Variants in INPP4B observed in about 807,000 individuals in gnomAD.
INPP4B encodes inositol polyphosphate-4-phosphatase type II B, also known as inositol polyphosphate 4-phosphatase type II.
A neutral mutation model predicts 122.5 loss-of-function variants in INPP4B; 55 were observed. The ratio of observed to expected loss-of-function variants is 0.45; its 90% CI spans 0.36 to 0.56. The LOEUF is 0.56. Ranked by LOEUF, INPP4B falls within the 20% of genes least tolerant of loss-of-function variation. The probability of loss-of-function intolerance (pLI) is 0.00; values close to 1 mark genes in which losing one functional copy is unlikely to be tolerated. For synonymous variants in INPP4B, 403 were observed against 388.7 expected (o/e 1.04, Z -0.43); for missense variants, 1,000 against 1,097.7 (o/e 0.91, Z 1.26).
chr4:142,206,594 TGAG>T (rs1305558343), intron 14 of INPP4B, among the ~76,000 whole-genome samples: 3 of 152,028 alleles, frequency 2.0e-5, no homozygotes, highest in African/African-American at 7.2e-5. Context: ...AAAGCAGAAC[TGAG>T]ATCTCACTTT....
Position 142,481,847 on chromosome 4 carries a change from C to T in INPP4B, c.-190-19121G>A, listed in dbSNP as rs79488894. On this transcript the variant is annotated intron_variant, in intron 2 of 25. Transcript: ENST00000262992. ...CTATTGAGAACTGGCTATTTCCCACCGAAATGTACCTAGTGTTAATAAGGA... is the reference window on the plus strand; with the variant it reads ...CTATTGAGAACTGGCTATTTCCCACTGAAATGTACCTAGTGTTAATAAGGA... 0.013 allele frequency among the ~76,000 whole-genome samples: 1,920 copies of T among 152,188 alleles called. 146 individuals carry two copies. In the East Asian group the frequency reaches 0.22, roughly 18 times the overall value.
chr4:142,234,516 T>G (rs1855835376), intron 12 of INPP4B, among the ~76,000 whole-genome samples: 2 of 152,324 alleles, frequency 1.3e-5, no homozygotes, highest in South Asian at 4.1e-4. Flanking sequence ...AAGCTTTTCC[T>G]ATTTCCCCTT....
chr4:142,512,534 T>A (rs553696411), intron 2 of INPP4B, among the ~76,000 whole-genome samples: 46 of 152,322 alleles, frequency 3.0e-4, no homozygotes, highest in African/African-American at 1.1e-3. Flanking sequence ...AAAAGACTGA[T>A]AATGTAAACA....
chr4:142,607,800 A>G (rs1054339568), intron 2 of INPP4B, among the ~76,000 whole-genome samples: 2 of 152,146 alleles, frequency 1.3e-5, no homozygotes, highest in Admixed American at 6.6e-5. Context: ...TCCAGGATCA[A>G]GAGAGTTGAA....
intron 12 of INPP4B, among the ~76,000 whole-genome samples, chr4:142,233,529 T>C (rs981957633): frequency 1.3e-5 from 2 of 152,156 alleles, no homozygotes; most frequent in African/African-American, 4.8e-5. Flanking sequence ...TTTGCAACTA[T>C]TGAAACATAA....
intron 7 of INPP4B, among the ~76,000 whole-genome samples, chr4:142,322,353 C>T (rs1364078786): frequency 6.6e-6 from 1 of 152,044 alleles, no homozygotes; most frequent in Admixed American, 6.6e-5. Flanking sequence ...AACATTTCTT[C>T]TTCAACATTT....
Position 142,384,058 on chromosome 4 carries a change from G to A in INPP4B, c.372+18880C>T, listed in dbSNP as rs1481408497. 8.6e-6 allele frequency: 6 copies of A among 701,730 alleles called. No individual in the cohort carries two copies. The Admixed American group carries it at 1.2e-4, about 14-fold the overall frequency. The allele number at this position is 701,730 out of a possible 1,614,324, so 43.5% of individuals were successfully genotyped here. On this transcript the variant is annotated intron_variant, in intron 7 of 25. Coordinates refer to ENST00000262992, the MANE Select transcript of INPP4B (RefSeq NM_001101669.3). ...GTGACTGAGCAAGTTGTCTCAAGTT[G>A]TCTCAGCTCTGAGGACCTCAAGATC...
intron 2 of INPP4B, among the ~76,000 whole-genome samples, chr4:142,507,152 A>T (rs569610987): frequency 3.9e-5 from 6 of 152,278 alleles, no homozygotes; most frequent in Non-Finnish European, 7.4e-5. Context: ...AAGCCCATTG[A>T]TCATACAGTA....
intron 3 of INPP4B, among the ~76,000 whole-genome samples, chr4:142,440,295 T>C (rs1202328905): frequency 6.6e-6 from 1 of 152,162 alleles, no homozygotes; most frequent in Non-Finnish European, 1.5e-5. Flanking sequence ...TATCAGAGTA[T>C]AGGGCAGAAG....
chr4:142,335,338 A>C (rs1220567395), intron 7 of INPP4B, among the ~76,000 whole-genome samples: 8 of 152,122 alleles, frequency 5.3e-5, no homozygotes, highest in Non-Finnish European at 2.9e-5. Context: ...TTTCTTCTCT[A>C]ACGTCAGTTC....
chr4:142,446,371 A>G (rs1451268985), intron 3 of INPP4B, among the ~76,000 whole-genome samples: 1 of 152,118 alleles, frequency 6.6e-6, no homozygotes, highest in South Asian at 2.1e-4. Context: ...TATAACCATC[A>G]ATAAGTAAAT....
intron 1 of INPP4B, among the ~76,000 whole-genome samples, chr4:142,729,774 C>T (rs955171536): frequency 3.9e-5 from 6 of 152,158 alleles, no homozygotes; most frequent in African/African-American, 1.4e-4. Context: ...AGTTCAGTTG[C>T]TGGGAAGCCT....
intron 1 of INPP4B, among the ~76,000 whole-genome samples, chr4:142,743,438 G>A (rs1420478063): frequency 1.3e-5 from 2 of 151,948 alleles, no homozygotes; most frequent in Non-Finnish European, 2.9e-5. Flanking sequence ...TGAATTCTTG[G>A]CCAAGGATTG....
chr4:142,632,787 C>A (rs767256054), intron 2 of INPP4B, among the ~76,000 whole-genome samples: 1 of 151,496 alleles, frequency 6.6e-6, no homozygotes, highest in African/African-American at 2.4e-5. Flanking sequence ...GTAAAAGATG[C>A]ATGTTGTGAG....
intron 7 of INPP4B, among the ~76,000 whole-genome samples, chr4:142,396,002 ATACTG>A (rs1301489998): frequency 6.6e-6 from 1 of 152,164 alleles, no homozygotes; most frequent in African/African-American, 2.4e-5. Context: ...ATAGTTAAAA[ATACTG>A]TACTGTATAT....
At chr4:142,819,025 G>T (rs546514904) in intron 1 of INPP4B, among the ~76,000 whole-genome samples, 1 of 152,252 alleles carries the variant, frequency 6.6e-6, no homozygotes, top group African/African-American at 2.4e-5. Context: ...ACGAATCTTT[G>T]TTGAGAGATG....
At position 142,028,834 on chromosome 4, in the gene INPP4B, A is replaced by G. The variant is rs1198957847; in HGVS notation, c.2723T>C (p.Phe908Ser). The change falls in exon 26 of 26, where the codon TTC becomes TCC. Residue 908 changes from phenylalanine (F) to serine (S), a missense_variant. Physicochemically the swap from Phe to Ser is radical, Grantham distance 155. Coordinates refer to ENST00000262992, the MANE Select transcript of INPP4B (RefSeq NM_001101669.3). ...YAFNMLQLMA[F>S]PKYYRPPEGT... ...CTCTGGAGGTCTGTAGTACTTGGGG[A>G]AAGCCATCAGCTGTAGCATGTTGAA... The G allele has an allele frequency of 2.5e-5, 41 of 1,613,498 alleles. No individual in the cohort carries two copies. The highest frequency in any genetic ancestry group is 3.1e-5 in the Non-Finnish European group (36 of 1,179,692).
chr4:142,033,462 A>G (rs1401679698), intron 25 of INPP4B, among the ~76,000 whole-genome samples: 3 of 152,122 alleles, frequency 2.0e-5, no homozygotes, highest in African/African-American at 4.8e-5. Flanking sequence ...CAGCAAGCCA[A>G]TGCCTGGTTG....
In INPP4B at chr4:142,028,710, CAAA is replaced by C. The variant is rs1189266648; in HGVS notation, c.*69_*71del. On this transcript the variant is annotated 3_prime_UTR_variant, in exon 26 of 26. Coordinates refer to ENST00000262992, the MANE Select transcript of INPP4B (RefSeq NM_001101669.3). The stretch of plus-strand genomic sequence containing the variant: ...ACAAATTCATGACAATAAAAACAAA[CAAA>C]AAAGACCAAGGTGAAGATTATCCAA... The C allele has an allele frequency of 4.7e-6, 7 of 1,489,942 alleles. No individual in the cohort carries two copies. The East Asian group carries it at 1.2e-4, about 25-fold the overall frequency. 92.3% of individuals were successfully genotyped at this position (1,489,942 alleles called of 1,614,324 possible).
Sources: gnomAD v4.1 joint callset for allele counts (sites outside exome capture counted in the v4.1 genomes callset) on GRCh38, gnomAD v4.1.1 for gene constraint, MANE v1.5 for transcripts, NCBI Gene and HGNC (gene_info 2026-07-23, HGNC 2026-07-21) for gene names.